Variants in RNPC3 observed in about 807,000 individuals in gnomAD.
RNPC3 encodes the protein RNA binding region (RNP1, RRM) containing 3, also known as RNA-binding region-containing protein 3.
Under a neutral mutation model 67.5 loss-of-function variants are expected in RNPC3, and 48 were observed. The ratio of observed to expected loss-of-function variants is 0.71; its 90% CI spans 0.56 to 0.90. The LOEUF is 0.90. Ranked by LOEUF, RNPC3 falls within the 40% of genes least tolerant of loss-of-function variation. The probability of loss-of-function intolerance (pLI) is 0.00; values close to 1 mark genes in which losing one functional copy is unlikely to be tolerated. For missense variants in RNPC3, 637 were observed against 626.1 expected, an observed-to-expected ratio of 1.02 and a Z score of -0.19; for synonymous variants, 239 against 210.3, an observed-to-expected ratio of 1.14 and a Z score of -1.18.
At chr1:103,539,812 C>T (rs965102534) in intron 7 of RNPC3, among the ~76,000 whole-genome samples, 2 of 152,110 alleles carry the variant, frequency 1.3e-5, no homozygotes, top group Non-Finnish European at 2.9e-5. Flanking sequence ...TTTTGAGTAC[C>T]AGTATGATAC....
At chr1:103,532,377 A>G (rs1159902125) in intron 2 of RNPC3, among the ~76,000 whole-genome samples, 22 of 152,146 alleles carry the variant, frequency 1.4e-4, no homozygotes, top group Admixed American at 1.4e-3. Context: ...CTCCTGGTGG[A>G]GCACATTTGG....
intron 13 of RNPC3, 118 bp downstream of exon 13, chr1:103,551,191 C>CCTAGCAGTA: frequency 1.2e-6 from 1 of 824,394 alleles, no homozygotes; most frequent in South Asian, 2.0e-5. Context: ...AGTAGATATT[C>CCTAGCAGTA]ATTCGTTACA....
At chr1:103,553,156 T>C (rs1651440477) in intron 14 of RNPC3, 1 of 152,218 alleles carries the variant, frequency 6.6e-6, no homozygotes, top group African/African-American at 2.4e-5. Flanking sequence ...GTCACAAGTC[T>C]TATAAACACT....
Position 103,534,806 on chromosome 1 carries a change from A to T in RNPC3, c.392A>T (p.Lys131Ile). Residue 131 changes from lysine (K) to isoleucine (I), a missense_variant, in exon 4 of 15, where the codon AAA becomes ATA. Lys to Ile is a moderately radical substitution (Grantham distance 102, BLOSUM62 -3). This residue lies in a region of RNPC3 where 536 missense variants were observed against 500.3 expected (regional missense o/e 1.07). Transcript: ENST00000423855. ...GACCCTGTCGAAGATGATAAAGAAA[A>T]AAAAGAACTTGGTTATTTAACAGTA... ...SDDPVEDDKE[K>I]KELGYLTVEN... 6.5e-7 allele frequency: 1 copy of T among 1,532,948 alleles called. No homozygotes were observed. The highest frequency in any genetic ancestry group is 1.2e-5 in the South Asian group (1 of 83,548). The allele number at this position is 1,532,948 out of a possible 1,614,324, so 95.0% of individuals were successfully genotyped here.
At chr1:103,529,480 A>G (rs1650788944) in intron 2 of RNPC3, among the ~76,000 whole-genome samples, 3 of 152,106 alleles carry the variant, frequency 2.0e-5, no homozygotes, top group Non-Finnish European at 4.4e-5. Context: ...CTAATTGGAA[A>G]GTGATAGATT....
At chr1:103,543,541 A>G (rs992813376) in intron 9 of RNPC3, 94 bp downstream of exon 9, 1 of 966,538 alleles carries the variant, frequency 1.0e-6, no homozygotes, top group Non-Finnish European at 1.4e-6. Flanking sequence ...GTATTTGTCA[A>G]CTTTATTTAA....
chr1:103,534,750 TA>T, intron 3 of RNPC3, 23 bp from the exon 4 acceptor site: 1 of 1,379,714 alleles, frequency 7.2e-7, no homozygotes, highest in Non-Finnish European at 9.8e-7. Context: ...AAGATAAGAT[TA>T]ACTTTGATTC....
Position 103,533,829 on chromosome 1 carries a change from C to A in RNPC3, c.331C>A (p.Pro111Thr), listed in dbSNP as rs1203013491. ...KEQDRVHSPCPTSGSEKKKRS... is the reference protein window; with the variant it reads ...KEQDRVHSPCTTSGSEKKKRS... ...GCAAGATCGAGTTCACTCCCCATGT[C>A]CCACTTCAGGCTCTGAAAAAAAAAA... is the stretch of plus-strand genomic sequence containing the variant. The change falls in exon 3 of 15, where the codon CCC becomes ACC. Residue 111 changes from proline to threonine, a missense_variant. Physicochemically the swap from Pro to Thr is conservative, Grantham distance 38. Around this residue, in one of 3 missense-constraint regions of RNPC3, gnomAD observed 536 missense variants for 500.3 expected, o/e 1.07. Transcript: ENST00000423855. 3 of 1,527,210 alleles carry A rather than the reference C, an allele frequency of 2.0e-6. No homozygotes were observed. In the South Asian group the frequency reaches 3.6e-5, roughly 18 times the overall value. The allele number at this position is 1,527,210 out of a possible 1,614,324, so 94.6% of individuals were successfully genotyped here.
At chr1:103,545,252 T>C (rs1651215812) in intron 10 of RNPC3, 150 bp downstream of exon 10, 2 of 603,542 alleles carry the variant, frequency 3.3e-6, no homozygotes, top group Non-Finnish European at 2.7e-6. Context: ...ACTTCTTCTG[T>C]TTTTTTTAAA....
At chr1:103,545,201 G>C in intron 10 of RNPC3, 99 bp downstream of exon 10, 1 of 943,674 alleles carries the variant, frequency 1.1e-6, no homozygotes, top group Non-Finnish European at 1.5e-6. Context: ...TTAATTTAAG[G>C]CACATACTTT....
intron 7 of RNPC3, among the ~76,000 whole-genome samples, chr1:103,540,725 G>A (rs1487483318): frequency 6.6e-6 from 1 of 152,128 alleles, no homozygotes; most frequent in Non-Finnish European, 1.5e-5. Flanking sequence ...TTCCTGCTCT[G>A]TAGATGATAC....
In RNPC3 at chr1:103,550,921, A is replaced by G. The variant is rs764173103; in HGVS notation, c.1362-20A>G. On this transcript the variant is annotated intron_variant, in intron 12 of 14. Coordinates refer to ENST00000423855, the MANE Select transcript of RNPC3 (RefSeq NM_017619.4). ...ATTGAAACTGACATTCTTTGAATCA[A>G]AACTGTTTCTTCCTTCTAGGTTTGA... 6.2e-7 allele frequency: 1 copy of G among 1,607,614 alleles called. No homozygotes were observed. The highest frequency in any genetic ancestry group is 8.5e-7 in the Non-Finnish European group (1 of 1,177,962).
Position 103,543,540 on chromosome 1 carries a change from A to G in RNPC3, c.1045+93A>G, listed in dbSNP as rs1651175188. 1.0e-5 allele frequency: 10 copies of G among 963,124 alleles called. No individual in the cohort carries two copies. The Admixed American group carries it at 1.2e-4, about 12-fold the overall frequency. 59.7% of individuals were successfully genotyped at this position (963,124 alleles called of 1,614,324 possible). A position where few individuals can be genotyped will look rare whatever the true frequency, so the allele number is the denominator to read the frequency against. On this transcript the variant is annotated intron_variant, in intron 9 of 14. Transcript: ENST00000423855. Reference sequence around the variant, plus strand: ...AATGTTTCATATTTTAGTATTTGTCAACTTTATTTAAAATATGCAATTAGT... The same window carrying G: ...AATGTTTCATATTTTAGTATTTGTCGACTTTATTTAAAATATGCAATTAGT...
chr1:103,548,098 C>T (rs1376899104), intron 12 of RNPC3, among the ~76,000 whole-genome samples: 10 of 152,118 alleles, frequency 6.6e-5, no homozygotes, highest in Non-Finnish European at 1.3e-4. Flanking sequence ...ACCCTGGGCC[C>T]GGCCCACAAA....
At position 103,537,478 on chromosome 1, in the gene RNPC3, G is replaced by A. The variant is rs1177375172; in HGVS notation, c.761G>A (p.Arg254Gln). The change falls in exon 7 of 15, where the codon CGA becomes CAA. Residue 254 changes from arginine to glutamine, a missense_variant. Around this residue, in one of 3 missense-constraint regions of RNPC3, gnomAD observed 536 missense variants for 500.3 expected, o/e 1.07. Transcript: ENST00000423855. ...TATGAAAGCACTGATGATGAGGACC[G>A]ACAGAGGTTTGTAACATGAAAAATT... ...SEYESTDDED[R>Q]QRMNKLMELA... 43 of 1,533,882 alleles carry A rather than the reference G, an allele frequency of 2.8e-5. No homozygotes were observed. The highest frequency in any genetic ancestry group is 1.4e-4 in the South Asian group (12 of 83,306).
At chr1:103,532,935 T>G (rs998652836) in intron 2 of RNPC3, among the ~76,000 whole-genome samples, 1 of 151,792 alleles carries the variant, frequency 6.6e-6, no homozygotes, top group Non-Finnish European at 1.5e-5. Context: ...TTGTACAGAG[T>G]TTTACTGCAA....
rs367689906 is a variant in RNPC3, at chr1:103,551,189, T to G, written c.1494+116T>G. The G allele has an allele frequency of 1.6e-3, 1,356 of 849,258 alleles. 29 individuals are homozygous for G. In the South Asian group the frequency reaches 0.025, roughly 15 times the overall value. The allele number at this position is 849,258 out of a possible 1,614,324, so 52.6% of individuals were successfully genotyped here. A position where few individuals can be genotyped will look rare whatever the true frequency, so the allele number is the denominator to read the frequency against. On this transcript the variant is annotated intron_variant, in intron 13 of 14. Transcript: ENST00000423855. ...ACAATTGGCATTCTAGCAGTAGATA[T>G]TCATTCGTTACAATTAAACCCACCT... is the stretch of plus-strand genomic sequence containing the variant.
intron 7 of RNPC3, 52 bp from the exon 8 acceptor site, chr1:103,541,298 A>T: frequency 7.4e-7 from 1 of 1,358,136 alleles, no homozygotes; most frequent in Non-Finnish European, 9.7e-7. Flanking sequence ...AGTGGTAAAT[A>T]GCTATGCTTC....
intron 14 of RNPC3, chr1:103,552,724 C>G (rs936542708): frequency 5.9e-5 from 9 of 151,774 alleles, no homozygotes; most frequent in African/African-American, 2.2e-4. Flanking sequence ...CAAGATCACG[C>G]CACTGCACTC....
Sources: gnomAD v4.1 joint callset for allele counts (sites outside exome capture counted in the v4.1 genomes callset) on GRCh38, gnomAD v4.1.1 for gene constraint, gnomAD v4.1.1 regional missense constraint, MANE v1.5 for transcripts, NCBI Gene and HGNC (gene_info 2026-07-23, HGNC 2026-07-21) for gene names.